The following TENM4 variants were observed in gnomAD, a reference collection of about 807,000 sequenced individuals.
The protein encoded by TENM4 is teneurin-4.
A neutral mutation model predicts 243.3 loss-of-function variants in TENM4; 82 were observed. The ratio of observed to expected loss-of-function variants is 0.34; its 90% CI spans 0.28 to 0.40. The LOEUF (loss-of-function observed/expected upper bound fraction) is 0.40. Among genes scored for constraint, TENM4 ranks in the 10% least tolerant of loss-of-function variants. The pLI is 1.00. For missense variants in TENM4, 3,138 were observed against 3,673.3 expected (o/e 0.85, Z 3.77); for synonymous variants, 1,412 against 1,456.3 (o/e 0.97, Z 0.69).
At chr11:79,166,716 G>A (rs923361992) in intron 3 of TENM4, among the ~76,000 whole-genome samples, 1 of 152,186 alleles carries the variant, frequency 6.6e-6, no homozygotes, top group Non-Finnish European at 1.5e-5. Flanking sequence ...GTAGTCATGC[G>A]GTGATTAATT....
At chr11:78,863,426 T>TG (rs1481387381) in intron 9 of TENM4, among the ~76,000 whole-genome samples, 2 of 152,104 alleles carry the variant, frequency 1.3e-5, no homozygotes, top group South Asian at 2.1e-4. Flanking sequence ...AATAACAATC[T>TG]GGGGGAAAAA....
chr11:79,265,340 T>C (rs972023199), intron 2 of TENM4, among the ~76,000 whole-genome samples: 15 of 152,234 alleles, frequency 9.9e-5, no homozygotes, highest in Admixed American at 2.6e-4. Flanking sequence ...AGGCCTGCAC[T>C]GTTCAATACT....
intron 18 of TENM4, 143 bp downstream of exon 18, chr11:78,770,849 G>C: frequency 1.0e-6 from 1 of 991,714 alleles, no homozygotes; most frequent in Non-Finnish European, 1.5e-6. Context: ...TAAGCCACAT[G>C]TGCAGTTTTT....
intron 4 of TENM4, among the ~76,000 whole-genome samples, chr11:79,078,854 A>G (rs1860594629): frequency 6.6e-6 from 1 of 152,250 alleles, no homozygotes; most frequent in South Asian, 2.1e-4. Context: ...GAAGGCCACA[A>G]CAAAAAAGTG....
At chr11:79,042,215 G>A (rs934856980) in intron 6 of TENM4, among the ~76,000 whole-genome samples, 2 of 152,156 alleles carry the variant, frequency 1.3e-5, no homozygotes, top group African/African-American at 2.4e-5. Context: ...GGATTTAGAG[G>A]TTCCACAGGT....
intron 1 of TENM4, among the ~76,000 whole-genome samples, chr11:79,318,140 T>C (rs1045588833): frequency 2.0e-5 from 3 of 152,290 alleles, no homozygotes; most frequent in South Asian, 2.1e-4. Context: ...GAAATGATGA[T>C]TTAAAAATCT....
In TENM4 at chr11:78,756,828, G is replaced by A. The variant is rs752067394; in HGVS notation, c.2733C>T (p.Pro911=). 31 of 1,613,574 alleles carry A rather than the reference G, an allele frequency of 1.9e-5. No homozygotes were observed. Among genetic ancestry groups the A allele is most frequent in the Middle Eastern group, 1.6e-4 (1 of 6,082 alleles). ...LVGRDSTHII[P]GENPFDGGHA... ...ACCCTCCATCAAAGGGGTTCTCCCC[G>A]GGGATTATGTGCGTGCTGTCCCTGC... The change falls in exon 19 of 34, where the codon CCC becomes CCT. Residue 911 remains proline (P), a synonymous_variant. Coordinates refer to ENST00000278550, the MANE Select transcript of TENM4 (RefSeq NM_001098816.3).
rs530519024 is a variant in TENM4 at position 79,145,600 on chromosome 11, C to T, written c.-66+3110G>A. 1.7e-3 allele frequency among the ~76,000 whole-genome samples: 254 copies of T among 152,208 alleles called. 2 individuals carry two copies. Among genetic ancestry groups the T allele is most frequent in the Non-Finnish European group, 2.9e-3 (195 of 67,984 alleles). ...ATGCTACCCTTGATCCATTCCAGGG[C>T]TGATGGCCATGTGTTTTGGTGGATA... On this transcript the variant is annotated intron_variant, in intron 4 of 33. Coordinates refer to ENST00000278550, the MANE Select transcript of TENM4 (RefSeq NM_001098816.3).
At chr11:78,861,742 T>C (rs1858823891) in intron 10 of TENM4, among the ~76,000 whole-genome samples, 1 of 152,126 alleles carries the variant, frequency 6.6e-6, no homozygotes, top group Non-Finnish European at 1.5e-5. Flanking sequence ...GAAGGCAAAT[T>C]ATTGCAAGGG....
intron 4 of TENM4, among the ~76,000 whole-genome samples, chr11:79,105,471 T>C (rs1861342584): frequency 6.6e-6 from 1 of 152,220 alleles, no homozygotes; most frequent in Admixed American, 6.5e-5. Flanking sequence ...TTCATTGAGG[T>C]CAGATAGCAG....
chr11:78,663,485 C>A (rs1858079938), intron 32 of TENM4, among the ~76,000 whole-genome samples: 1 of 152,106 alleles, frequency 6.6e-6, no homozygotes, highest in Non-Finnish European at 1.5e-5. Context: ...TGAATTCTTG[C>A]TCTATTAGTT....
At chr11:79,260,290 T>C (rs1229303872) in intron 2 of TENM4, among the ~76,000 whole-genome samples, 1 of 152,194 alleles carries the variant, frequency 6.6e-6, no homozygotes, top group East Asian at 1.9e-4. Flanking sequence ...CTGTGATGGC[T>C]CCACCCTGAT....
chr11:78,990,764 T>G (rs1858023740), intron 6 of TENM4, among the ~76,000 whole-genome samples: 3 of 152,204 alleles, frequency 2.0e-5, no homozygotes, highest in South Asian at 2.1e-4. Context: ...GCGCTTGAAT[T>G]TTTAACCATG....
intron 22 of TENM4, among the ~76,000 whole-genome samples, 192 bp downstream of exon 22, chr11:78,729,184 G>C (rs1182203325): frequency 6.6e-6 from 1 of 151,978 alleles, no homozygotes; most frequent in Non-Finnish European, 1.5e-5. Context: ...TGTAATGGTC[G>C]GGTTTTCTAC....
intron 6 of TENM4, among the ~76,000 whole-genome samples, chr11:79,053,320 T>C (rs1859850504): frequency 6.6e-6 from 1 of 152,168 alleles, no homozygotes; most frequent in Non-Finnish European, 1.5e-5. Context: ...CTAAAGGCAA[T>C]TGTAGTCTTC....
chr11:79,206,988 C>T (rs545142511), intron 3 of TENM4, among the ~76,000 whole-genome samples: 1 of 152,244 alleles, frequency 6.6e-6, no homozygotes, highest in African/African-American at 2.4e-5. Context: ...GGTGCTCAGA[C>T]ATCTCCCTGA....
chr11:78,813,368 TC>T (rs1422347272), intron 13 of TENM4, among the ~76,000 whole-genome samples: 11 of 152,204 alleles, frequency 7.2e-5, no homozygotes, highest in Non-Finnish European at 1.0e-4. Context: ...AGACTGCTCT[TC>T]CCTTCTACTC....
intron 16 of TENM4, 120 bp downstream of exon 16, chr11:78,786,778 A>T: frequency 7.2e-7 from 1 of 1,388,832 alleles, no homozygotes; most frequent in South Asian, 1.3e-5. Context: ...CCTCCAGATG[A>T]AAGGACTTTC....
intron 20 of TENM4, among the ~76,000 whole-genome samples, chr11:78,733,958 G>A (rs570383325): frequency 1.3e-5 from 2 of 152,170 alleles, no homozygotes; most frequent in Admixed American, 6.5e-5. Flanking sequence ...GGAGGCCGAG[G>A]AGGGCGGATC....
Sources: gnomAD v4.1 joint callset for allele counts (sites outside exome capture counted in the v4.1 genomes callset) on GRCh38, gnomAD v4.1.1 for gene constraint, MANE v1.5 for transcripts, NCBI Gene and HGNC (gene_info 2026-07-23, HGNC 2026-07-21) for gene names.